GNPTAB: variants seen among roughly 807,000 people sequenced by gnomAD.
GNPTAB encodes N-acetylglucosamine-1-phosphotransferase subunits alpha/beta.
Under a neutral mutation model 136.6 loss-of-function variants are expected in GNPTAB, and 92 were observed. The observed-to-expected ratio is 0.67, with a 90% CI of 0.57 to 0.80. GNPTAB has a LOEUF of 0.80. GNPTAB is among the 30% of genes least tolerant of loss of function. GNPTAB has a pLI of 0.00. For synonymous variants in GNPTAB, 512 were observed against 535.1 expected, an observed-to-expected ratio of 0.96 and a Z score of 0.60; for missense variants, 1,343 against 1,501.8, an observed-to-expected ratio of 0.89 and a Z score of 1.75.
At position 101,770,398 on chromosome 12, in the gene GNPTAB, T is replaced by C; in HGVS notation, c.1113+8A>G. 1.9e-6 allele frequency: 3 copies of C among 1,598,818 alleles called. No homozygotes were observed. The highest frequency in any genetic ancestry group is 2.6e-6 in the Non-Finnish European group (3 of 1,166,028). ...TCACAGTCTTGTAATTTTTAGAAAG[T>C]CCTGTACCTGGTGTGTTACTATTGT... On this transcript the variant is annotated splice_region_variant and intron_variant, in intron 9 of 20. Transcript: ENST00000299314.
At chr12:101,828,656 C>T (rs1411776653) in intron 1 of GNPTAB, among the ~76,000 whole-genome samples, 1 of 151,972 alleles carries the variant, frequency 6.6e-6, no homozygotes, top group African/African-American at 2.4e-5. Flanking sequence ...CGCCATTGCA[C>T]TCCAGCTTGG....
chr12:101,804,939 A>G (rs775746141), intron 1 of GNPTAB, among the ~76,000 whole-genome samples: 2 of 152,258 alleles, frequency 1.3e-5, no homozygotes, highest in African/African-American at 4.8e-5. Flanking sequence ...CTGATAAAAT[A>G]TTCTGACAAC....
chr12:101,757,662 G>A lies in GNPTAB; in HGVS notation c.3250-5C>T, dbSNP rs992142656. 2 of 1,437,068 alleles carry A rather than the reference G, an allele frequency of 1.4e-6. No homozygotes were observed. The highest frequency in any genetic ancestry group is 2.0e-6 in the Non-Finnish European group (2 of 1,019,754). The allele number at this position is 1,437,068 out of a possible 1,614,324, so 89.0% of individuals were successfully genotyped here. On this transcript the variant is annotated splice_region_variant and splice_polypyrimidine_tract_variant and intron_variant, in intron 16 of 20. Coordinates refer to ENST00000299314, the MANE Select transcript of GNPTAB (RefSeq NM_024312.5). ...TAGACTTTTAGTGACCGGTGGCTATGAGAAAATATAAGTAGATCAGATATC... is the reference window on the plus strand; with the variant it reads ...TAGACTTTTAGTGACCGGTGGCTATAAGAAAATATAAGTAGATCAGATATC...
At chr12:101,812,065 A>C (rs1870268112) in intron 1 of GNPTAB, among the ~76,000 whole-genome samples, 2 of 151,500 alleles carry the variant, frequency 1.3e-5, no homozygotes, top group Non-Finnish European at 2.9e-5. Context: ...CAGCCTGGCC[A>C]ACATGATGAA....
At chr12:101,798,510 A>C (rs1167787105) in intron 1 of GNPTAB, among the ~76,000 whole-genome samples, 1 of 152,232 alleles carries the variant, frequency 6.6e-6, no homozygotes, top group East Asian at 1.9e-4. Flanking sequence ...TTCTGTTTTC[A>C]TTATCCAGAA....
At chr12:101,781,813 TTTCTC>T (rs1160488943) in intron 5 of GNPTAB, among the ~76,000 whole-genome samples, 2 of 152,218 alleles carry the variant, frequency 1.3e-5, no homozygotes, top group African/African-American at 4.8e-5. Context: ...CAGATAAACT[TTTCTC>T]TCTCTCTTTC....
intron 1 of GNPTAB, among the ~76,000 whole-genome samples, chr12:101,823,076 C>A (rs557291907): frequency 2.5e-4 from 38 of 152,298 alleles, no homozygotes; most frequent in African/African-American, 8.9e-4. Flanking sequence ...ATAACTGGGA[C>A]CAATGCCAGG....
chr12:101,763,049 C>T (rs139186565), intron 13 of GNPTAB, among the ~76,000 whole-genome samples: 3 of 151,762 alleles, frequency 2.0e-5, no homozygotes, highest in East Asian at 1.9e-4. Flanking sequence ...GGTGAAACCC[C>T]GTCTCCACTA....
intron 20 of GNPTAB, among the ~76,000 whole-genome samples, chr12:101,748,804 GT>G (rs1399463602): frequency 6.6e-6 from 1 of 152,182 alleles, no homozygotes; most frequent in East Asian, 1.9e-4. Flanking sequence ...ATTCTAGATG[GT>G]TTTTTGGTTA....
At chr12:101,800,133 C>G (rs1869527627) in intron 1 of GNPTAB, among the ~76,000 whole-genome samples, 2 of 152,056 alleles carry the variant, frequency 1.3e-5, no homozygotes, top group Admixed American at 1.3e-4. Flanking sequence ...TCCTAAAATG[C>G]TAAAGCATGC....
chr12:101,822,249 T>C (rs1870844405), intron 1 of GNPTAB, among the ~76,000 whole-genome samples: 1 of 152,002 alleles, frequency 6.6e-6, no homozygotes, highest in Admixed American at 6.6e-5. Context: ...CCGTCTCTAC[T>C]AAAAATACAA....
At chr12:101,756,336 T>A (rs1243580602) in intron 18 of GNPTAB, 1 of 194,906 alleles carries the variant, frequency 5.1e-6, no homozygotes, top group African/African-American at 2.4e-5. Context: ...ACATCTTTGA[T>A]TATTTATAAT....
At chr12:101,767,537 G>A (rs1953112312) in intron 11 of GNPTAB, among the ~76,000 whole-genome samples, 1 of 152,182 alleles carries the variant, frequency 6.6e-6, no homozygotes, top group South Asian at 2.1e-4. Flanking sequence ...ATTTTCAAGT[G>A]TATTTTCTCT....
intron 2 of GNPTAB, among the ~76,000 whole-genome samples, chr12:101,793,633 G>A (rs1869119281): frequency 6.6e-6 from 1 of 152,092 alleles, no homozygotes; most frequent in African/African-American, 2.4e-5. Context: ...AGATGAGAAG[G>A]AATGCATTAT....
At chr12:101,821,747 C>T (rs1216854945) in intron 1 of GNPTAB, among the ~76,000 whole-genome samples, 3 of 152,136 alleles carry the variant, frequency 2.0e-5, no homozygotes, top group Non-Finnish European at 2.9e-5. Context: ...CACTATGGGT[C>T]CATGAAGTTG....
intron 18 of GNPTAB, among the ~76,000 whole-genome samples, chr12:101,755,937 T>C (rs1952894794): frequency 6.6e-6 from 1 of 152,196 alleles, no homozygotes; most frequent in Admixed American, 6.5e-5. Flanking sequence ...CCTAAAAGTA[T>C]AGGCTACAAC....
intron 1 of GNPTAB, among the ~76,000 whole-genome samples, chr12:101,821,670 C>A (rs950942600): frequency 3.3e-5 from 5 of 152,170 alleles, no homozygotes; most frequent in African/African-American, 9.7e-5. Flanking sequence ...CAAGGGGGAG[C>A]AGTGGAAGTC....
At chr12:101,806,972 T>C (rs1021240759) in intron 1 of GNPTAB, among the ~76,000 whole-genome samples, 3 of 152,092 alleles carry the variant, frequency 2.0e-5, no homozygotes, top group Non-Finnish European at 4.4e-5. Flanking sequence ...GGCAAAGACA[T>C]TACAAGAAAG....
chr12:101,779,976 T>C, intron 7 of GNPTAB, 176 bp downstream of exon 7: 1 of 672,250 alleles, frequency 1.5e-6, no homozygotes, highest in Admixed American at 2.5e-5. Flanking sequence ...AATAAGACTC[T>C]TAGATTTTTG....
Sources: gnomAD v4.1 joint callset for allele counts (sites outside exome capture counted in the v4.1 genomes callset) on GRCh38, gnomAD v4.1.1 for gene constraint, MANE v1.5 for transcripts, NCBI Gene and HGNC (gene_info 2026-07-23, HGNC 2026-07-21) for gene names.